Variants in VMP1 observed in about 807,000 individuals in gnomAD.
VMP1 encodes the protein vacuole membrane protein 1, also known as ectopic P-granules autophagy protein 3 homolog.
VMP1 carries 11 observed loss-of-function variants against 56.0 expected under a neutral mutation model. The ratio of observed to expected loss-of-function variants is 0.20; its 90% CI spans 0.12 to 0.32. The LOEUF (loss-of-function observed/expected upper bound fraction) is 0.32, where lower values mean the gene tolerates loss of function less well. Among genes scored for constraint, VMP1 ranks in the 10% least tolerant of loss-of-function variants. VMP1 has a pLI of 1.00. For synonymous variants in VMP1, 149 were observed against 165.0 expected (o/e 0.90, Z 0.74); for missense variants, 296 against 490.3 (o/e 0.60, Z 3.74).
intron 10 of VMP1, among the ~76,000 whole-genome samples, chr17:59,833,728 A>G (rs2038889813): frequency 6.6e-6 from 1 of 152,184 alleles, no homozygotes; most frequent in South Asian, 2.1e-4. Flanking sequence ...TAAAATTATT[A>G]TGGGTACATA....
At chr17:59,790,948 A>T (rs1053485316) in intron 7 of VMP1, among the ~76,000 whole-genome samples, 1 of 152,102 alleles carries the variant, frequency 6.6e-6, no homozygotes, top group African/African-American at 2.4e-5. Flanking sequence ...CACTTTTTAT[A>T]TCCAACAGCC....
At chr17:59,718,099 A>T (rs531749456) in intron 1 of VMP1, among the ~76,000 whole-genome samples, 43 of 150,662 alleles carry the variant, frequency 2.9e-4, no homozygotes, top group African/African-American at 1.0e-3. Context: ...GAGATTCTGA[A>T]TGTTTTTAAA....
At chr17:59,823,033 C>T (rs2038507029) in intron 10 of VMP1, among the ~76,000 whole-genome samples, 1 of 152,116 alleles carries the variant, frequency 6.6e-6, no homozygotes, top group Non-Finnish European at 1.5e-5. Flanking sequence ...TGCAGTGAAC[C>T]ATGATCATAC....
intron 5 of VMP1, among the ~76,000 whole-genome samples, chr17:59,761,372 G>A (rs1170071199): frequency 2.6e-5 from 4 of 152,210 alleles, no homozygotes; most frequent in Non-Finnish European, 2.9e-5. Flanking sequence ...TTGAGTGCTA[G>A]TAATTTTTAA....
intron 6 of VMP1, among the ~76,000 whole-genome samples, chr17:59,769,249 G>C (rs976559636): frequency 6.6e-6 from 1 of 151,358 alleles, no homozygotes; most frequent in African/African-American, 2.4e-5. Context: ...CCGCCTCCCA[G>C]GTTCAAGTGA....
intron 5 of VMP1, among the ~76,000 whole-genome samples, chr17:59,740,965 A>G (rs968697283): frequency 4.6e-5 from 7 of 152,220 alleles, no homozygotes; most frequent in African/African-American, 1.7e-4. Flanking sequence ...TGAGAAGCCA[A>G]GGCGGGCTGA....
At position 59,816,539 on chromosome 17, in the gene VMP1, G is replaced by A. The variant is rs550770375; in HGVS notation, c.913-1173G>A. 1.2e-4 allele frequency among the ~76,000 whole-genome samples: 19 copies of A among 152,352 alleles called. No homozygotes were observed. The South Asian group carries it at 3.7e-3, about 30-fold the overall frequency. ...AGACTACTGTTGGCTGGGCACAGTG[G>A]CTGACGCCTGTAATCCCGCACTTTG... On this transcript the variant is annotated intron_variant, in intron 9 of 11. Transcript: ENST00000262291.
intron 3 of VMP1, among the ~76,000 whole-genome samples, 158 bp from the exon 4 acceptor site, chr17:59,737,295 A>AC (rs2143829522): frequency 6.6e-6 from 1 of 151,960 alleles, no homozygotes; most frequent in East Asian, 1.9e-4. Flanking sequence ...TCTTCCCTTG[A>AC]CCCCCTTCTG....
chr17:59,792,541 G>A (rs2037269106), intron 7 of VMP1, among the ~76,000 whole-genome samples: 1 of 151,846 alleles, frequency 6.6e-6, no homozygotes, highest in Non-Finnish European at 1.5e-5. Flanking sequence ...GTCATCTACT[G>A]ATTTTTTTTA....
chr17:59,779,781 C>T (rs2036755107), intron 7 of VMP1, among the ~76,000 whole-genome samples: 1 of 152,176 alleles, frequency 6.6e-6, no homozygotes, highest in African/African-American at 2.4e-5. Flanking sequence ...ATCCATAGCA[C>T]ACCCTACATT....
chr17:59,724,390 T>C (rs1191306667), intron 1 of VMP1, among the ~76,000 whole-genome samples: 2 of 151,988 alleles, frequency 1.3e-5, no homozygotes, highest in South Asian at 2.1e-4. Context: ...TTTGGCATCT[T>C]AATAACTGGG....
At chr17:59,796,798 C>T (rs1482582924) in intron 7 of VMP1, among the ~76,000 whole-genome samples, 1 of 152,006 alleles carries the variant, frequency 6.6e-6, no homozygotes, top group Non-Finnish European at 1.5e-5. Context: ...AGATTTTTTT[C>T]AATTGACAGT....
At chr17:59,794,517 A>AT (rs71145572) in intron 7 of VMP1, among the ~76,000 whole-genome samples, 17 of 43,110 alleles carry the variant, frequency 3.9e-4, no homozygotes, top group Non-Finnish European at 3.7e-4. Flanking sequence ...CGCGCCCTGC[A>AT]TTTTTTTTTT....
chr17:59,712,237 CTTAA>C (rs773733499), intron 1 of VMP1, among the ~76,000 whole-genome samples: 3 of 152,278 alleles, frequency 2.0e-5, no homozygotes, highest in East Asian at 1.9e-4. Context: ...TTGCTGCTTA[CTTAA>C]TTATTGTTTG....
rs2038834767 is a variant in VMP1, at chr17:59,832,291, T to TCCTC, written c.975-6004_975-6003insCCTC. On this transcript the variant is annotated intron_variant, in intron 10 of 11. Coordinates refer to ENST00000262291, the MANE Select transcript of VMP1 (RefSeq NM_030938.5). ...AATTCTCATGCCTCAGCCTCCCGAG[T>TCCTC]AGCTGGGACTACAGGCACGTGCCAT... 2.0e-5 allele frequency among the ~76,000 whole-genome samples: 3 copies of TCCTC among 148,002 alleles called. No individual in the cohort carries two copies. The Admixed American group carries it at 2.1e-4, about 10-fold the overall frequency.
chr17:59,770,582 ATTTC>A (rs1170675135), intron 6 of VMP1, among the ~76,000 whole-genome samples: 1 of 150,526 alleles, frequency 6.6e-6, no homozygotes, highest in African/African-American at 2.4e-5. Context: ...GATTACGTTT[ATTTC>A]TTTTTTTTTT....
At chr17:59,728,689 T>TTATG (rs2034702112) in intron 1 of VMP1, among the ~76,000 whole-genome samples, 1 of 150,874 alleles carries the variant, frequency 6.6e-6, no homozygotes, top group African/African-American at 2.5e-5. Flanking sequence ...ATGAGATTAT[T>TTATG]TATTTATTTA....
intron 7 of VMP1, among the ~76,000 whole-genome samples, chr17:59,803,030 C>A (rs1325704611): frequency 6.6e-6 from 1 of 152,206 alleles, no homozygotes. Flanking sequence ...CAGGCATGAG[C>A]CACCGCATAT....
At chr17:59,735,567 C>A in intron 3 of VMP1, 94 bp downstream of exon 3, 1 of 1,318,184 alleles carries the variant, frequency 7.6e-7, no homozygotes, top group Non-Finnish European at 1.1e-6. Flanking sequence ...TCTACTCCAT[C>A]AAAATGGATT....
Sources: allele counts gnomAD v4.1 joint callset (sites outside exome capture counted in the v4.1 genomes callset), GRCh38; gene constraint gnomAD v4.1.1; transcripts MANE v1.5; gene names NCBI Gene and HGNC (gene_info 2026-07-23, HGNC 2026-07-21).